LRRFIP2: variants seen among roughly 807,000 people sequenced by gnomAD.
LRRFIP2 encodes the protein LRR binding FLII interacting protein 2, also known as leucine-rich repeat flightless-interacting protein 2.
LRRFIP2 carries 109 observed loss-of-function variants against 125.9 expected under a neutral mutation model. That is an observed-to-expected ratio of 0.87 (90% CI 0.74 to 1.01). The LOEUF (loss-of-function observed/expected upper bound fraction) is 1.01. Ranked by LOEUF, LRRFIP2 falls within the 50% of genes least tolerant of loss-of-function variation. The probability of loss-of-function intolerance (pLI) is 0.00; values close to 1 mark genes in which losing one functional copy is unlikely to be tolerated. For synonymous variants in LRRFIP2, 291 were observed against 293.1 expected, an observed-to-expected ratio of 0.99 and a Z score of 0.07; for missense variants, 850 against 862.3, an observed-to-expected ratio of 0.99 and a Z score of 0.18.
chr3:37,101,547 C>T (rs1295297976), intron 15 of LRRFIP2, among the ~76,000 whole-genome samples: 2 of 151,794 alleles, frequency 1.3e-5, no homozygotes, highest in African/African-American at 4.8e-5. Flanking sequence ...CGCTTGTAGT[C>T]CCAGCTACTT....
chr3:37,091,598 A>C, intron 17 of LRRFIP2, 60 bp from the exon 18 acceptor site: 1 of 1,195,578 alleles, frequency 8.4e-7, no homozygotes, highest in East Asian at 2.4e-5. Context: ...CTTAAATCGC[A>C]AAGGATTCAG....
chr3:37,076,451 T>C (rs1273614629), intron 19 of LRRFIP2, among the ~76,000 whole-genome samples: 2 of 152,066 alleles, frequency 1.3e-5, no homozygotes, highest in East Asian at 3.8e-4. Flanking sequence ...CACCTGAGCC[T>C]GGGGAGGTCA....
chr3:37,165,092 A>C (rs2096444737), intron 1 of LRRFIP2, among the ~76,000 whole-genome samples: 2 of 152,138 alleles, frequency 1.3e-5, no homozygotes, highest in East Asian at 3.9e-4. Context: ...AAAATTAGCC[A>C]GGCGTGGTGG....
intron 19 of LRRFIP2, among the ~76,000 whole-genome samples, chr3:37,078,097 G>A (rs986308619): frequency 2.0e-5 from 3 of 151,976 alleles, no homozygotes; most frequent in African/African-American, 7.3e-5. Context: ...ATGTGAATAT[G>A]CTTCACACTA....
At chr3:37,057,528 TTTTCTC>T (rs1312128800) in intron 25 of LRRFIP2, among the ~76,000 whole-genome samples, 1 of 136,406 alleles carries the variant, frequency 7.3e-6, no homozygotes, top group Non-Finnish European at 1.7e-5. Context: ...CCAAAAAGTC[TTTTCTC>T]TTTTTTTTTT....
At chr3:37,094,510 T>C (rs1261084093) in intron 17 of LRRFIP2, among the ~76,000 whole-genome samples, 1 of 152,204 alleles carries the variant, frequency 6.6e-6, no homozygotes, top group Non-Finnish European at 1.5e-5. Flanking sequence ...TCTGAGAGAA[T>C]TACTTTTACA....
chr3:37,174,780 A>T (rs561454000), upstream of LRRFIP2: 18 of 152,384 alleles, frequency 1.2e-4, no homozygotes, highest in African/African-American at 3.8e-4. Flanking sequence ...CACTTCCTAT[A>T]AAATGAGTAA....
chr3:37,164,388 T>TG (rs2096422281), intron 1 of LRRFIP2, among the ~76,000 whole-genome samples: 2 of 152,184 alleles, frequency 1.3e-5, no homozygotes. Context: ...CATCCGAAGA[T>TG]ACTCCTATTT....
Position 37,096,628 on chromosome 3 carries a change from T to G in LRRFIP2, c.906A>C (p.Glu302Asp). 6.4e-7 allele frequency: 1 copy of G among 1,566,828 alleles called. No individual in the cohort carries two copies. Among genetic ancestry groups the G allele is most frequent in the South Asian group, 1.1e-5 (1 of 87,736 alleles). ...TTTACATACTCACTCTTGTATAATT[T>G]TCAGCATACTGTTTGTCAGATTTTT... Reference protein sequence around the residue: ...LDEKSDKQYAENYTRPSSRNS... With the variant: ...LDEKSDKQYADNYTRPSSRNS... Residue 302 changes from glutamate (E) to aspartate (D), a missense_variant, in exon 16 of 28, where the codon GAA (glutamate) becomes GAC (aspartate). Glu to Asp is a conservative substitution (Grantham distance 45). Transcript: ENST00000336686.
At chr3:37,104,237 T>C (rs1287037580) in intron 14 of LRRFIP2, among the ~76,000 whole-genome samples, 2 of 152,196 alleles carry the variant, frequency 1.3e-5, no homozygotes, top group African/African-American at 4.8e-5. Flanking sequence ...TAAACCTACC[T>C]ACAAAGATAG....
At chr3:37,124,129 A>T (rs2095179942) in intron 4 of LRRFIP2, among the ~76,000 whole-genome samples, 1 of 152,200 alleles carries the variant, frequency 6.6e-6, no homozygotes, top group African/African-American at 2.4e-5. Flanking sequence ...GACCATGGAA[A>T]TATTCTATAT....
chr3:37,074,842 T>C (rs1196655477), intron 20 of LRRFIP2, among the ~76,000 whole-genome samples, 182 bp downstream of exon 20: 2 of 152,220 alleles, frequency 1.3e-5, no homozygotes, highest in Non-Finnish European at 2.9e-5. Flanking sequence ...GTAATGTTTA[T>C]AGGATTTATA....
At chr3:37,140,868 C>G (rs1294253869) in intron 2 of LRRFIP2, among the ~76,000 whole-genome samples, 1 of 152,124 alleles carries the variant, frequency 6.6e-6, no homozygotes, top group African/African-American at 2.4e-5. Flanking sequence ...CTACTTTGCT[C>G]CCATCAAGAT....
chr3:37,164,321 G>A (rs975298118), intron 1 of LRRFIP2, among the ~76,000 whole-genome samples: 2 of 152,178 alleles, frequency 1.3e-5, no homozygotes, highest in Admixed American at 6.5e-5. Flanking sequence ...GGGAGGGAAA[G>A]TGGGATGAAA....
At position 37,167,683 on chromosome 3, in the gene LRRFIP2, GA is replaced by G. The variant is rs142681882; in HGVS notation, c.-56+6855del. ...AAAAAAAAAAGAAAGAAAGAAAAAA[GA>G]AAAAAAAAAGAAAACGGGACCAGGA... On this transcript the variant is annotated intron_variant, in intron 1 of 27. Coordinates refer to ENST00000336686, the MANE Select transcript of LRRFIP2 (RefSeq NM_006309.4). Among the ~76,000 whole-genome samples, 5 of 134,026 alleles carry G rather than the reference GA, an allele frequency of 3.7e-5. No individual in the cohort carries two copies. The South Asian group carries it at 7.4e-4, about 20-fold the overall frequency. The allele number at this position is 134,026 out of a possible 152,430, so 87.9% of individuals were successfully genotyped here. A position where few individuals can be genotyped will look rare whatever the true frequency, so the allele number is the denominator to read the frequency against.
At chr3:37,170,471 T>C (rs1349937933) in intron 1 of LRRFIP2, 1 of 152,230 alleles carries the variant, frequency 6.6e-6, no homozygotes, top group Non-Finnish European at 1.5e-5. Context: ...TATAACTTCA[T>C]GATACTATAT....
intron 2 of LRRFIP2, among the ~76,000 whole-genome samples, chr3:37,145,766 CTGAT>C (rs1431511562): frequency 2.0e-5 from 3 of 152,162 alleles, no homozygotes; most frequent in Non-Finnish European, 2.9e-5. Context: ...TTAGAGAAGA[CTGAT>C]TGAGAAACAA....
At chr3:37,175,929 C>G (rs899372677), upstream of LRRFIP2, 1 of 152,244 alleles carries the variant, frequency 6.6e-6, no homozygotes, top group East Asian at 1.9e-4. Flanking sequence ...CCGGCCAGTC[C>G]CCAGGGAAGC....
At chr3:37,129,628 A>T (rs933216481) in intron 2 of LRRFIP2, among the ~76,000 whole-genome samples, 24 of 152,054 alleles carry the variant, frequency 1.6e-4, no homozygotes, top group Admixed American at 1.4e-3. Context: ...GGAACTCTTC[A>T]TCTCCCCACT....
Sources: allele counts gnomAD v4.1 joint callset (sites outside exome capture counted in the v4.1 genomes callset), GRCh38; gene constraint gnomAD v4.1.1; transcripts MANE v1.5; gene names NCBI Gene and HGNC (gene_info 2026-07-23, HGNC 2026-07-21).